Variants in DNMT3A observed in about 807,000 individuals in gnomAD.
DNMT3A encodes the protein DNA (cytosine-5)-methyltransferase 3A.
Under a neutral mutation model 117.6 loss-of-function variants are expected in DNMT3A, and 267 were observed. The ratio of observed to expected loss-of-function variants is 2.27; its 90% CI spans 2.05 to 2.51. DNMT3A has a LOEUF of 2.51. Among genes scored for constraint, DNMT3A ranks in the 30% most tolerant of loss-of-function variants. DNMT3A has a pLI of 0.00. For synonymous variants in DNMT3A, 432 were observed against 474.8 expected (o/e 0.91, Z 1.17); for missense variants, 1,029 against 1,260.2 (o/e 0.82, Z 2.78).
chr2:25,243,867 G>A (rs775516996), intron 16 of DNMT3A, 31 bp downstream of exon 16: 26 of 1,551,308 alleles, frequency 1.7e-5, no homozygotes, highest in Middle Eastern at 3.3e-4. Context: ...GGGACAAGGC[G>A]GCCAGCACCT....
At chr2:25,239,102 C>T (rs749729041) in intron 20 of DNMT3A, 28 bp downstream of exon 20, 14 of 1,606,162 alleles carry the variant, frequency 8.7e-6, no homozygotes, top group East Asian at 2.2e-5. Flanking sequence ...CAGCCCACAG[C>T]CCCCCAGGCC....
At chr2:25,265,242 C>T (rs1034170162) in intron 6 of DNMT3A, among the ~76,000 whole-genome samples, 30 of 152,342 alleles carry the variant, frequency 2.0e-4, no homozygotes, top group African/African-American at 4.6e-4. Flanking sequence ...GGGGAGCAGC[C>T]CCAACAACTG....
chr2:25,251,152 G>A (rs1473562483), intron 6 of DNMT3A, among the ~76,000 whole-genome samples: 2 of 65,328 alleles, frequency 3.1e-5, no homozygotes, highest in Non-Finnish European at 8.7e-5. Flanking sequence ...GAAGGAAGAA[G>A]CGGGGGGGGG....
At chr2:25,332,380 A>C (rs977690030) in intron 1 of DNMT3A, among the ~76,000 whole-genome samples, 4 of 152,090 alleles carry the variant, frequency 2.6e-5, no homozygotes, top group African/African-American at 9.7e-5. Context: ...CTCCCCCTGA[A>C]TCCGACTTCC....
In DNMT3A at chr2:25,306,551, T is replaced by C. The variant is rs2033792798; in HGVS notation, c.73-6308A>G. On this transcript the variant is annotated intron_variant, in intron 2 of 22. Coordinates refer to ENST00000321117, the MANE Select transcript of DNMT3A (RefSeq NM_022552.5). The surrounding 1 kb of genome is among the most constrained non-coding windows in gnomAD (Gnocchi z 4.1). Reference sequence around the variant, plus strand: ...ACAGAGGTGTTCCAGAAATGCTAAATAGCTGACAACGGTGGTGCCCATCTG... The same window carrying C: ...ACAGAGGTGTTCCAGAAATGCTAAACAGCTGACAACGGTGGTGCCCATCTG... Among the ~76,000 whole-genome samples, 1 of 152,116 alleles carries C rather than the reference T, an allele frequency of 6.6e-6. No individual in the cohort carries two copies. Among genetic ancestry groups the C allele is most frequent in the Non-Finnish European group, 1.5e-5 (1 of 68,016 alleles).
Position 25,281,557 on chromosome 2 carries a change from C to T in DNMT3A, c.448+884G>A. ...CAATTAATCAATTTACTCATTTCAT[C>T]ATACACGCTTGGAAGGAAGACTTTT... On this transcript the variant is annotated intron_variant, in intron 4 of 22. Coordinates refer to ENST00000321117, the MANE Select transcript of DNMT3A (RefSeq NM_022552.5). This position sits in a 1 kb window ranked among gnomAD's most constrained non-coding sequence, Gnocchi z 4.8. 1 of 1,062,714 alleles carries T rather than the reference C, an allele frequency of 9.4e-7. No individual in the cohort carries two copies. Among genetic ancestry groups the T allele is most frequent in the Non-Finnish European group, 1.1e-6 (1 of 877,592 alleles). 65.8% of individuals were successfully genotyped at this position (1,062,714 alleles called of 1,614,324 possible).
chr2:25,317,245 A>G (rs1326722564), intron 1 of DNMT3A, among the ~76,000 whole-genome samples: 3 of 123,832 alleles, frequency 2.4e-5, no homozygotes, highest in African/African-American at 9.1e-5. Flanking sequence ...TTTTTTTTGT[A>G]GAAACAGGGT....
chr2:25,243,868 G>T, intron 16 of DNMT3A, 30 bp downstream of exon 16: 1 of 1,551,398 alleles, frequency 6.4e-7, no homozygotes. Context: ...GGACAAGGCG[G>T]CCAGCACCTC....
Position 25,232,979 on chromosome 2 carries a change from G to A in DNMT3A, c.*1300C>T, listed in dbSNP as rs1035050112. On this transcript the variant is annotated 3_prime_UTR_variant, in exon 23 of 23. Transcript: ENST00000321117. This position sits in a 1 kb window ranked among gnomAD's most constrained non-coding sequence, Gnocchi z 4.1. ...GACTTAGACAGGAAAGCACCAGTACGTTTTGTATGTTTTTTTATTTGCTCC... is the reference window on the plus strand; with the variant it reads ...GACTTAGACAGGAAAGCACCAGTACATTTTGTATGTTTTTTTATTTGCTCC... 10 of 232,758 alleles carry A rather than the reference G, an allele frequency of 4.3e-5. No homozygotes were observed. The highest frequency in any genetic ancestry group is 6.8e-5 in the Non-Finnish European group (8 of 117,786). 14.4% of individuals were successfully genotyped at this position (232,758 alleles called of 1,614,324 possible).
chr2:25,260,107 C>T (rs1676478587), intron 6 of DNMT3A, among the ~76,000 whole-genome samples: 1 of 152,186 alleles, frequency 6.6e-6, no homozygotes, highest in Admixed American at 6.5e-5. Flanking sequence ...ACTAAATTCC[C>T]AACGTGATTA....
At chr2:25,276,376 G>T (rs56318705) in intron 4 of DNMT3A, among the ~76,000 whole-genome samples, 8,575 of 152,250 alleles carry the variant, frequency 0.056, 243 homozygotes, top group African/African-American at 0.059. Context: ...TGAGCATTAA[G>T]TGCCTACTGT....
At chr2:25,312,624 C>T (rs1304006000) in intron 2 of DNMT3A, among the ~76,000 whole-genome samples, 1 of 152,196 alleles carries the variant, frequency 6.6e-6, no homozygotes, top group Non-Finnish European at 1.5e-5. Context: ...CCCAGCGGGG[C>T]TCAGCTTCCT....
At chr2:25,310,128 C>T (rs546433152) in intron 2 of DNMT3A, among the ~76,000 whole-genome samples, 1 of 152,158 alleles carries the variant, frequency 6.6e-6, no homozygotes, top group Non-Finnish European at 1.5e-5. Flanking sequence ...GCATCTTAGC[C>T]ATTGTGTTTC....
intron 1 of DNMT3A, chr2:25,314,692 C>T (rs2149430335): frequency 1.0e-6 from 1 of 985,418 alleles, no homozygotes; most frequent in Non-Finnish European, 1.2e-6. Context: ...AAGCTGAGGT[C>T]TGAGCTCAGG....
intron 5 of DNMT3A, 86 bp downstream of exon 5, chr2:25,275,414 A>ACCCCC: frequency 1.4e-6 from 1 of 710,726 alleles, no homozygotes; most frequent in South Asian, 2.0e-5. Context: ...GGAGGGGCCC[A>ACCCCC]CCCTCCGCCC....
rs1234257886 is a variant in DNMT3A, at chr2:25,298,214, C to T, written c.177+1925G>A. 6.6e-6 allele frequency among the ~76,000 whole-genome samples: 1 copy of T among 152,198 alleles called. No homozygotes were observed. The highest frequency in any genetic ancestry group is 1.5e-5 in the Non-Finnish European group (1 of 68,032). ...AGAATTTGAACTCAGGTCTCTTGGA[C>T]CCCAAAGACAGTGTTTTTCCTTCTG... On this transcript the variant is annotated intron_variant, in intron 3 of 22. Transcript: ENST00000321117. The surrounding 1 kb of genome is among the most constrained non-coding windows in gnomAD (Gnocchi z 4.3).
chr2:25,246,677 C>A lies in DNMT3A; in HGVS notation c.1222G>T (p.Glu408Ter). 6.2e-7 allele frequency: 1 copy of A among 1,613,720 alleles called. No individual in the cohort carries two copies. Among genetic ancestry groups the A allele is most frequent in the Non-Finnish European group, 8.5e-7 (1 of 1,180,016 alleles). ...GGCTGGAAGCCCCCCAGGGCCCATT[C>A]AATCATGGGCTTGTTCTGCACCTCC... ...AVEVQNKPMI[E>*]WALGGFQPSG... The change falls in exon 10 of 23, where the codon GAA (glutamate) becomes TAA (stop). Residue 408 changes from glutamate to a stop codon, truncating the protein, a stop_gained. Transcript: ENST00000321117. LOFTEE classifies it high-confidence loss of function.
intron 6 of DNMT3A, among the ~76,000 whole-genome samples, chr2:25,274,170 C>G (rs2031193259): frequency 1.3e-5 from 2 of 152,184 alleles, no homozygotes; most frequent in Non-Finnish European, 2.9e-5. Flanking sequence ...CAACCATCAC[C>G]AGGTGTTCAG....
chr2:25,326,108 A>ATGTGTGTGTGTGTGTGTGTG (rs61521265), intron 1 of DNMT3A, among the ~76,000 whole-genome samples: 2 of 142,256 alleles, frequency 1.4e-5, no homozygotes, highest in African/African-American at 5.3e-5. Flanking sequence ...CTTGATATAT[A>ATGTGTGTGTGTGTGTGTGTG]TGTGTGTGTG....
Sources: gnomAD v4.1 joint callset for allele counts (sites outside exome capture counted in the v4.1 genomes callset) on GRCh38, gnomAD v4.1.1 for gene constraint, Gnocchi (gnomAD v3.1) non-coding constraint, MANE v1.5 for transcripts, NCBI Gene and HGNC (gene_info 2026-07-23, HGNC 2026-07-21) for gene names.